XIAP: variants seen among roughly 807,000 people sequenced by gnomAD.
XIAP encodes the protein X-linked inhibitor of apoptosis, also known as E3 ubiquitin-protein ligase XIAP.
In XIAP, 3 loss-of-function variants were observed where a neutral mutation model predicts 33.1. The observed-to-expected ratio is 0.09, with a 90% CI of 0.04 to 0.23. The LOEUF (loss-of-function observed/expected upper bound fraction) is 0.23, where lower values mean the gene tolerates loss of function less well. Ranked by LOEUF, XIAP falls within the 10% of genes least tolerant of loss-of-function variation. The pLI is 1.00. For missense variants in XIAP, 264 were observed against 363.0 expected (o/e 0.73, Z 2.22); for synonymous variants, 98 against 121.3 (o/e 0.81, Z 1.26).
chrX:123,872,277 A>G (rs2053200999), intron 1 of XIAP, among the ~76,000 whole-genome samples: 1 of 110,666 alleles, frequency 9.0e-6, no homozygotes, highest in Admixed American at 9.8e-5. Context: ...CATAACTCCA[A>G]AGATAGATAT....
At chrX:123,903,780 A>G (rs1161562344) in intron 6 of XIAP, among the ~76,000 whole-genome samples, 1 of 107,965 alleles carries the variant, frequency 9.3e-6, no homozygotes, top group Non-Finnish European at 1.9e-5. Context: ...TCATCTTGCA[A>G]AACCGAAACT....
At chrX:123,893,508 C>G (rs981652354) in intron 5 of XIAP, among the ~76,000 whole-genome samples, 10 of 110,239 alleles carry the variant, frequency 9.1e-5, no homozygotes, top group African/African-American at 3.3e-4. Flanking sequence ...AGCCTGGCGA[C>G]AGAGCGAGAT....
intron 5 of XIAP, among the ~76,000 whole-genome samples, chrX:123,897,257 TTATC>T (rs1413030114): frequency 1.8e-5 from 2 of 110,876 alleles, no homozygotes; most frequent in African/African-American, 6.5e-5. Flanking sequence ...GACATCCAAT[TTATC>T]TATTTTTCTG....
At chrX:123,878,097 T>C (rs773212850) in intron 1 of XIAP, among the ~76,000 whole-genome samples, 25 of 112,044 alleles carry the variant, frequency 2.2e-4, no homozygotes, top group Non-Finnish European at 3.9e-4. Flanking sequence ...GTTCTGAAAA[T>C]GTACTAACAT....
chrX:123,885,228 A>G (rs770661444), intron 1 of XIAP, among the ~76,000 whole-genome samples: 2 of 111,998 alleles, frequency 1.8e-5, no homozygotes, highest in Non-Finnish European at 3.8e-5. Context: ...GATGCCTTGA[A>G]TATATAATGA....
At chrX:123,868,068 A>T (rs750448634) in intron 1 of XIAP, among the ~76,000 whole-genome samples, 15 of 111,248 alleles carry the variant, frequency 1.3e-4, no homozygotes, top group African/African-American at 4.9e-4. Flanking sequence ...AGGCATGGTG[A>T]CTCATACCTG....
At position 123,869,490 on chromosome X, in the gene XIAP, C is replaced by T. The variant is rs764985963; in HGVS notation, c.-33+9197C>T. ...AGTGAGCTGAGATCATGCCACTGTA[C>T]TCCAGCCTGGATGACAGAGTGAGAC... On this transcript the variant is annotated intron_variant, in intron 1 of 6. Coordinates refer to ENST00000371199, the MANE Select transcript of XIAP (RefSeq NM_001167.4). 2.6e-3 allele frequency among the ~76,000 whole-genome samples: 284 copies of T among 107,575 alleles called. 2 individuals are homozygous for T. The highest frequency in any genetic ancestry group is 9.1e-3 in the African/African-American group (268 of 29,466). 93.4% of individuals were successfully genotyped at this position (107,575 alleles called of 115,157 possible). A position where few individuals can be genotyped will look rare whatever the true frequency, so the allele number is the denominator to read the frequency against.
At chrX:123,864,635 AGTGTGTGTGTGTGTGTGTGT>A (rs748255094) in intron 1 of XIAP, among the ~76,000 whole-genome samples, 33,475 of 84,431 alleles carry the variant, frequency 0.4, 5,076 homozygotes, top group African/African-American at 0.5. Context: ...CCCGGCTTAG[AGTGTGTGTGTGTGTGTGTGT>A]GTGTGTGTGT....
intron 6 of XIAP, among the ~76,000 whole-genome samples, chrX:123,903,058 G>A (rs1223388594): frequency 9.1e-6 from 1 of 110,302 alleles, no homozygotes. Context: ...AAAGATCTAT[G>A]CCCAGAATAT....
chrX:123,898,063 T>A (rs895130310), intron 5 of XIAP, among the ~76,000 whole-genome samples: 3 of 112,258 alleles, frequency 2.7e-5, no homozygotes, highest in Non-Finnish European at 5.6e-5. Context: ...AGACTGAATC[T>A]AATCCTGCAC....
intron 4 of XIAP, 147 bp from the exon 5 acceptor site, chrX:123,892,584 A>G: frequency 8.6e-6 from 4 of 464,284 alleles, no homozygotes; most frequent in Non-Finnish European, 1.5e-5. Context: ...TTCTAGCTCC[A>G]TCAGGCTATG....
chrX:123,864,635 A>AGAGTGT (rs2053113419), intron 1 of XIAP, among the ~76,000 whole-genome samples: 1 of 84,674 alleles, frequency 1.2e-5, no homozygotes, highest in African/African-American at 4.5e-5. Flanking sequence ...CCCGGCTTAG[A>AGAGTGT]GTGTGTGTGT....
chrX:123,891,735 C>T (rs1032746646), intron 4 of XIAP, among the ~76,000 whole-genome samples: 1 of 105,600 alleles, frequency 9.5e-6, no homozygotes, highest in Admixed American at 1.1e-4. Context: ...GCGGGAGGAT[C>T]GCTTGAGCCC....
Position 123,910,332 on chromosome X carries a change from A to G in XIAP, c.*3151A>G, listed in dbSNP as rs758007374. 7 of 326,473 alleles carry G rather than the reference A, an allele frequency of 2.1e-5. No homozygotes were observed. Among genetic ancestry groups the G allele is most frequent in the Middle Eastern group, 9.4e-4 (1 of 1,061 alleles). 26.9% of individuals were successfully genotyped at this position (326,473 alleles called of 1,213,427 possible). ...GCCCTGTGTATTATGATATTTTGTT[A>G]TTTTTGTTGTTATATTATTTACATT... On this transcript the variant is annotated 3_prime_UTR_variant, in exon 7 of 7. Coordinates refer to ENST00000371199, the MANE Select transcript of XIAP (RefSeq NM_001167.4).
chrX:123,889,453 G>A (rs942192541), intron 3 of XIAP, among the ~76,000 whole-genome samples: 3 of 109,490 alleles, frequency 2.7e-5, no homozygotes, highest in African/African-American at 6.7e-5. Context: ...TGATCGGCCC[G>A]CCTCGGCCTC....
chrX:123,876,358 A>G (rs1175669262), intron 1 of XIAP, among the ~76,000 whole-genome samples: 1 of 111,236 alleles, frequency 9.0e-6, no homozygotes, highest in Admixed American at 9.7e-5. Flanking sequence ...AAAAGCAAAC[A>G]TTACATAAGT....
intron 1 of XIAP, among the ~76,000 whole-genome samples, chrX:123,882,891 G>A: frequency 9.0e-6 from 1 of 111,487 alleles, no homozygotes; most frequent in Middle Eastern, 4.6e-3. Context: ...CAATTCTCCT[G>A]CCTCAGCCTC....
At chrX:123,900,971 G>A (rs1310989750) in intron 6 of XIAP, among the ~76,000 whole-genome samples, 5 of 111,577 alleles carry the variant, frequency 4.5e-5, no homozygotes, top group Non-Finnish European at 9.4e-5. Context: ...GCAGATGGCT[G>A]CCTTCTCACT....
intron 6 of XIAP, 72 bp downstream of exon 6, chrX:123,900,765 T>C (rs1332593603): frequency 2.1e-6 from 2 of 962,750 alleles, no homozygotes; most frequent in African/African-American, 3.8e-5. Context: ...CCCAGCACTT[T>C]GGGAGGCTGG....
Sources: allele counts gnomAD v4.1 joint callset (sites outside exome capture counted in the v4.1 genomes callset), GRCh38; gene constraint gnomAD v4.1.1; transcripts MANE v1.5; gene names NCBI Gene and HGNC (gene_info 2026-07-23, HGNC 2026-07-21).